Variants in PDE4D observed in about 807,000 individuals in gnomAD.
PDE4D encodes 3',5'-cyclic-AMP phosphodiesterase 4D.
A neutral mutation model predicts 87.4 loss-of-function variants in PDE4D; 24 were observed. The ratio of observed to expected loss-of-function variants is 0.27; its 90% confidence interval spans 0.20 to 0.39. The LOEUF (loss-of-function observed/expected upper bound fraction) is 0.39. PDE4D is among the 10% of genes least tolerant of loss of function. PDE4D has a pLI of 1.00. For synonymous variants in PDE4D, 384 were observed against 383.2 expected (o/e 1.00, Z -0.02); for missense variants, 714 against 1,041.0 (o/e 0.69, Z 4.32).
At chr5:60,078,022 A>G (rs1773506546) in intron 2 of PDE4D, among the ~76,000 whole-genome samples, 1 of 152,066 alleles carries the variant, frequency 6.6e-6, no homozygotes, top group South Asian at 2.1e-4. Context: ...AAGATCTGCT[A>G]GGAGTGTGCC....
chr5:59,620,678 T>C (rs1243039180), intron 1 of PDE4D, among the ~76,000 whole-genome samples: 2 of 152,174 alleles, frequency 1.3e-5, no homozygotes, highest in Non-Finnish European at 2.9e-5. Context: ...CCCAGTGAAA[T>C]CAGGATCTTT....
At chr5:59,854,762 GA>G (rs1001024154) in intron 1 of PDE4D, among the ~76,000 whole-genome samples, 2 of 151,586 alleles carry the variant, frequency 1.3e-5, no homozygotes, top group East Asian at 1.9e-4. Context: ...CAAGTAAAAA[GA>G]AAAAAAATGC....
intron 3 of PDE4D, among the ~76,000 whole-genome samples, chr5:59,965,074 G>A (rs771671441): frequency 6.6e-6 from 1 of 152,004 alleles, no homozygotes; most frequent in African/African-American, 2.4e-5. Context: ...TATACTCTAC[G>A]TTCTCTTATT....
At chr5:60,251,030 TAA>T (rs1748380805) in intron 1 of PDE4D, among the ~76,000 whole-genome samples, 1 of 151,734 alleles carries the variant, frequency 6.6e-6, no homozygotes, top group South Asian at 2.1e-4. Context: ...GTTCAAAAAA[TAA>T]AAGAGATAAC....
intron 1 of PDE4D, among the ~76,000 whole-genome samples, chr5:59,417,538 CTT>C (rs550294405): frequency 6.9e-6 from 1 of 144,270 alleles, no homozygotes. Flanking sequence ...AAGCTGTTAC[CTT>C]TTTTTTTTTT....
At chr5:60,406,860 G>GA (rs899561938) in intron 1 of PDE4D, among the ~76,000 whole-genome samples, 13 of 150,620 alleles carry the variant, frequency 8.6e-5, no homozygotes, top group South Asian at 2.1e-4. Flanking sequence ...AAATTATGTT[G>GA]AAAAAAAAAT....
At chr5:60,029,620 C>T (rs1052920202) in intron 2 of PDE4D, among the ~76,000 whole-genome samples, 1 of 152,210 alleles carries the variant, frequency 6.6e-6, no homozygotes, top group Non-Finnish European at 1.5e-5. Flanking sequence ...TCAATGCCAT[C>T]TTGGCAAAAT....
intron 1 of PDE4D, among the ~76,000 whole-genome samples, chr5:59,727,567 A>C (rs931803525): frequency 6.6e-6 from 1 of 152,092 alleles, no homozygotes; most frequent in Non-Finnish European, 1.5e-5. Context: ...CAAACAAATA[A>C]AAAAGGGGAA....
chr5:60,039,837 G>T (rs996288521), intron 2 of PDE4D, among the ~76,000 whole-genome samples: 6 of 152,084 alleles, frequency 3.9e-5, no homozygotes, highest in Non-Finnish European at 7.4e-5. Flanking sequence ...TTGTGCTAAG[G>T]TTCCTTTCTT....
chr5:59,139,757 G>T lies in PDE4D; in HGVS notation c.808+40838C>A, dbSNP rs150466425. Among the ~76,000 whole-genome samples, 567 of 152,046 alleles carry T rather than the reference G, an allele frequency of 3.7e-3. 2 individuals carry two copies. The highest frequency in any genetic ancestry group is 0.013 in the African/African-American group (546 of 41,420). On this transcript the variant is annotated intron_variant, in intron 5 of 14. Transcript: ENST00000340635. Reference sequence around the variant, plus strand: ...AGCCTCCCAAAATACTAGGATTACAGGTGTGAGCTATTGCACCTGGACTTA... The same window carrying T: ...AGCCTCCCAAAATACTAGGATTACATGTGTGAGCTATTGCACCTGGACTTA...
At chr5:59,582,153 A>G (rs554978454) in intron 1 of PDE4D, among the ~76,000 whole-genome samples, 7 of 152,280 alleles carry the variant, frequency 4.6e-5, no homozygotes, top group Middle Eastern at 3.4e-3. Flanking sequence ...GTCAGCTATT[A>G]CCTGCAATTT....
chr5:59,121,095 C>T (rs536775966), intron 5 of PDE4D, among the ~76,000 whole-genome samples: 6 of 152,206 alleles, frequency 3.9e-5, no homozygotes, highest in African/African-American at 1.2e-4. Context: ...CATAAAACTG[C>T]TAGAAGAAAA....
At chr5:58,990,749 G>C in intron 9 of PDE4D, 55 bp downstream of exon 9, 4 of 918,802 alleles carry the variant, frequency 4.4e-6, no homozygotes, top group Non-Finnish European at 6.9e-6. Flanking sequence ...ATAAGCTACA[G>C]ACTGGACATT....
At chr5:60,097,240 A>G (rs1402244707) in intron 2 of PDE4D, among the ~76,000 whole-genome samples, 1 of 128,968 alleles carries the variant, frequency 7.8e-6, no homozygotes, top group African/African-American at 2.8e-5. Context: ...GTGTACCTAG[A>G]TACTGCTCAT....
intron 1 of PDE4D, among the ~76,000 whole-genome samples, chr5:60,221,467 T>G (rs947660203): frequency 6.6e-6 from 1 of 152,150 alleles, no homozygotes; most frequent in African/African-American, 2.4e-5. Flanking sequence ...TCTTTCATGT[T>G]CCTTGGATTA....
chr5:59,105,081 C>A (rs1771372719), intron 5 of PDE4D, among the ~76,000 whole-genome samples: 1 of 152,158 alleles, frequency 6.6e-6, no homozygotes, highest in African/African-American at 2.4e-5. Context: ...GGAACTGTGC[C>A]ACATCAAACG....
intron 1 of PDE4D, among the ~76,000 whole-genome samples, chr5:59,238,429 G>C (rs1308097132): frequency 6.6e-6 from 1 of 152,112 alleles, no homozygotes; most frequent in Admixed American, 6.5e-5. Flanking sequence ...CTCACATATA[G>C]GAAAACAAAG....
intron 5 of PDE4D, among the ~76,000 whole-genome samples, chr5:59,140,171 G>C (rs79492143): frequency 0.039 from 5,926 of 152,258 alleles, 347 homozygotes; most frequent in African/African-American, 0.12. Context: ...GTTGGCTAGA[G>C]GACATCATAC....
chr5:59,533,175 A>G (rs1814537193), intron 1 of PDE4D, among the ~76,000 whole-genome samples: 1 of 152,220 alleles, frequency 6.6e-6, no homozygotes, highest in Admixed American at 6.5e-5. Flanking sequence ...TTGTAGAATT[A>G]TTTTGCTGAT....
Sources: gnomAD v4.1 joint callset for allele counts (sites outside exome capture counted in the v4.1 genomes callset) on GRCh38, gnomAD v4.1.1 for gene constraint, MANE v1.5 for transcripts, NCBI Gene and HGNC (gene_info 2026-07-23, HGNC 2026-07-21) for gene names.